MS4A14: variants seen among roughly 807,000 people sequenced by gnomAD.
MS4A14 encodes membrane-spanning 4-domains subfamily A member 14.
MS4A14 carries 18 observed loss-of-function variants against 16.7 expected under a neutral mutation model. The ratio of observed to expected loss-of-function variants is 1.08; its 90% confidence interval spans 0.75 to 1.60. The LOEUF (loss-of-function observed/expected upper bound fraction) is 1.60, where lower values mean the gene tolerates loss of function less well. MS4A14 is among the 40% of genes most tolerant of loss of function. The probability of loss-of-function intolerance (pLI) is 0.00; values close to 1 mark genes in which losing one functional copy is unlikely to be tolerated. For missense variants in MS4A14, 812 were observed against 775.3 expected (o/e 1.05, Z -0.56); for synonymous variants, 305 against 289.4 (o/e 1.05, Z -0.55).
intron 4 of MS4A14, among the ~76,000 whole-genome samples, chr11:60,410,503 T>C (rs543319491): frequency 3.3e-5 from 5 of 152,322 alleles, no homozygotes; most frequent in African/African-American, 9.6e-5. Context: ...TCTTGTCACA[T>C]CCATGAAATT....
intron 4 of MS4A14, among the ~76,000 whole-genome samples, chr11:60,408,372 A>G (rs891093306): frequency 3.3e-5 from 5 of 152,156 alleles, no homozygotes; most frequent in Non-Finnish European, 4.4e-5. Context: ...GAATACATTA[A>G]TAATGTTGTG....
At chr11:60,399,302 G>A (rs188720379) in intron 2 of MS4A14, among the ~76,000 whole-genome samples, 16 of 152,300 alleles carry the variant, frequency 1.1e-4, no homozygotes, top group South Asian at 1.0e-3. Flanking sequence ...TGCTTTCTGC[G>A]TAGCTGCTCA....
At position 60,397,968 on chromosome 11, in the gene MS4A14, G is replaced by A. The variant is rs754619422; in HGVS notation, c.255G>A (p.Trp85Ter). 6.2e-7 allele frequency: 1 copy of A among 1,613,238 alleles called. No individual in the cohort carries two copies. Among genetic ancestry groups the A allele is most frequent in the South Asian group, 1.1e-5 (1 of 91,042 alleles). Residue 85 changes from tryptophan (W) to a stop codon, truncating the protein, a stop_gained, in exon 2 of 5, where the codon TGG becomes TGA. Coordinates refer to ENST00000300187, the MANE Select transcript of MS4A14 (RefSeq NM_032597.5). LOFTEE classifies it high-confidence loss of function. ...PLVVLTGYPFWGALIFILTGY... is the reference protein window; with the variant it reads ...PLVVLTGYPF ...TTGTCCTCACAGGATATCCATTCTG[G>A]GGAGCACTTATTGTGAGTACTGTCG... is the stretch of plus-strand genomic sequence containing the variant.
Position 60,397,996 on chromosome 11 carries a change from T to A in MS4A14, c.267+16T>A. 6.2e-7 allele frequency: 1 copy of A among 1,611,912 alleles called. No individual in the cohort carries two copies. The highest frequency in any genetic ancestry group is 8.5e-7 in the Non-Finnish European group (1 of 1,178,646). On this transcript the variant is annotated intron_variant, in intron 2 of 4. Coordinates refer to ENST00000300187, the MANE Select transcript of MS4A14 (RefSeq NM_032597.5). ...AGCACTTATTGTGAGTACTGTCGAT[T>A]AGAAGCTTTGGAGAAATTGCTATAA...
intron 4 of MS4A14, among the ~76,000 whole-genome samples, chr11:60,411,541 C>A (rs1234501501): frequency 6.6e-6 from 1 of 152,078 alleles, no homozygotes; most frequent in Non-Finnish European, 1.5e-5. Flanking sequence ...AATGAAATTG[C>A]TTTTTAAATG....
chr11:60,399,210 T>G (rs1384080799), intron 2 of MS4A14, among the ~76,000 whole-genome samples: 1 of 152,216 alleles, frequency 6.6e-6, no homozygotes, highest in South Asian at 2.1e-4. Context: ...CCTACACTTG[T>G]GCTAAGTGCT....
At chr11:60,402,204 G>A (rs2085724730) in intron 3 of MS4A14, among the ~76,000 whole-genome samples, 1 of 151,812 alleles carries the variant, frequency 6.6e-6, no homozygotes, top group African/African-American at 2.4e-5. Context: ...TGAATAAAGG[G>A]AATTGGGTGG....
chr11:60,416,138 A>G lies in MS4A14; in HGVS notation c.1170A>G (p.Thr390=), dbSNP rs1372341127. The G allele has an allele frequency of 6.2e-7, 1 of 1,611,186 alleles. No homozygotes were observed. The highest frequency in any genetic ancestry group is 8.5e-7 in the Non-Finnish European group (1 of 1,178,800). The part of the protein sequence containing the change: ...MQSLDMLSQD[T]PSHAMPPQDI... ...CCCTAGATATGCTATCTCAAGACAC[A>G]CCATCCCACGCCATGCCACCTCAAG... Residue 390 remains threonine, a synonymous_variant, in exon 5 of 5, where the codon ACA becomes ACG. Coordinates refer to ENST00000300187, the MANE Select transcript of MS4A14 (RefSeq NM_032597.5).
rs2085925570 is a variant in MS4A14, at chr11:60,415,542, G to A, written c.574G>A (p.Asp192Asn). The change falls in exon 5 of 5, where the codon GAT becomes AAT. Residue 192 changes from aspartate to asparagine, a missense_variant. Transcript: ENST00000300187. ...GCTTCAAGAAGAGTTTTCCAGTGATGATTCAACAACAAATGCACAATCTGT... is the reference window on the plus strand; with the variant it reads ...GCTTCAAGAAGAGTTTTCCAGTGATAATTCAACAACAAATGCACAATCTGT... ...FVLQEEFSSDDSTTNAQSVIF... is the reference protein window; with the variant it reads ...FVLQEEFSSDNSTTNAQSVIF... The A allele has an allele frequency of 6.2e-7, 1 of 1,613,758 alleles. No homozygotes were observed. Among genetic ancestry groups the A allele is most frequent in the East Asian group, 2.2e-5 (1 of 44,862 alleles).
At position 60,416,290 on chromosome 11, in the gene MS4A14, A is replaced by C; in HGVS notation, c.1322A>C (p.Gln441Pro). The C allele has an allele frequency of 1.2e-6, 2 of 1,614,020 alleles. No individual in the cohort carries two copies. Among genetic ancestry groups the C allele is most frequent in the South Asian group, 1.1e-5 (1 of 91,080 alleles). ...QHLLQQPPDLQPENTEPQNQQ... is the reference protein window; with the variant it reads ...QHLLQQPPDLPPENTEPQNQQ... ...CTACTTCAGCAGCCCCCAGATCTTC[A>C]ACCAGAAAACACTGAACCTCAAAAC... Residue 441 changes from glutamine to proline, a missense_variant, in exon 5 of 5, where the codon CAA (glutamine) becomes CCA (proline). By Grantham distance (76) the Gln-to-Pro change is moderately conservative. Coordinates refer to ENST00000300187, the MANE Select transcript of MS4A14 (RefSeq NM_032597.5).
At chr11:60,409,958 C>G (rs2085845181) in intron 4 of MS4A14, among the ~76,000 whole-genome samples, 1 of 152,096 alleles carries the variant, frequency 6.6e-6, no homozygotes, top group Non-Finnish European at 1.5e-5. Context: ...AAATGATTCT[C>G]CTGTTTCAGT....
intron 4 of MS4A14, among the ~76,000 whole-genome samples, chr11:60,410,623 T>C (rs2085854804): frequency 6.6e-6 from 1 of 152,170 alleles, no homozygotes; most frequent in Non-Finnish European, 1.5e-5. Context: ...GTATATGGTA[T>C]AAGGTAAGGG....
chr11:60,404,110 G>T (rs980591374), intron 4 of MS4A14, among the ~76,000 whole-genome samples: 2 of 152,208 alleles, frequency 1.3e-5, no homozygotes, highest in African/African-American at 2.4e-5. Context: ...TGGACAGGAG[G>T]CAACTACTGT....
intron 3 of MS4A14, 69 bp from the exon 4 acceptor site, chr11:60,402,843 A>G: frequency 6.6e-7 from 1 of 1,509,332 alleles, no homozygotes; most frequent in East Asian, 2.3e-5. Flanking sequence ...AGCACTAAAA[A>G]TTTCTTACAA....
chr11:60,400,470 TA>T lies in MS4A14; in HGVS notation c.318+17del. ...AAAACTTCTGGTAAGCCACTTAAAC[TA>T]CATAAAATTTAAAATCTTCTATTTG... On this transcript the variant is annotated intron_variant, in intron 3 of 4. Transcript: ENST00000300187. 2 of 1,559,104 alleles carry T rather than the reference TA, an allele frequency of 1.3e-6. No homozygotes were observed. Among genetic ancestry groups the T allele is most frequent in the Non-Finnish European group, 1.8e-6 (2 of 1,133,540 alleles).
At chr11:60,397,767 C>A in intron 1 of MS4A14, 85 bp from the exon 2 acceptor site, 1 of 1,358,634 alleles carries the variant, frequency 7.4e-7, no homozygotes, top group Non-Finnish European at 1.0e-6. Context: ...AAAGGTGTGC[C>A]ATGGAGGCAC....
intron 3 of MS4A14, among the ~76,000 whole-genome samples, chr11:60,401,518 G>C (rs990097339): frequency 2.0e-5 from 3 of 152,198 alleles, no homozygotes; most frequent in African/African-American, 7.2e-5. Context: ...ATGGAGGCAG[G>C]ATGCTGAACC....
intron 1 of MS4A14, among the ~76,000 whole-genome samples, 167 bp from the exon 2 acceptor site, chr11:60,397,685 C>T (rs1023626541): frequency 6.6e-6 from 1 of 152,086 alleles, no homozygotes; most frequent in African/African-American, 2.4e-5. Context: ...GGGAAGGAAA[C>T]ACATTGAACT....
Position 60,397,902 on chromosome 11 carries a change from T to C in MS4A14, c.189T>C (p.Phe63=). ...TCATTGTGGGCTTTGGAACTATATT[T>C]GCACTTAATTACATCGGTTTCTCCC... is the stretch of plus-strand genomic sequence containing the variant. The part of the protein sequence containing the change: ...ALIIVGFGTI[F]ALNYIGFSQR... Residue 63 remains phenylalanine (F), a synonymous_variant, in exon 2 of 5, where the codon TTT becomes TTC. Coordinates refer to ENST00000300187, the MANE Select transcript of MS4A14 (RefSeq NM_032597.5). 10 of 1,613,398 alleles carry C rather than the reference T, an allele frequency of 6.2e-6. No individual in the cohort carries two copies. Among genetic ancestry groups the C allele is most frequent in the Non-Finnish European group, 8.5e-6 (10 of 1,179,492 alleles).
Sources: allele counts gnomAD v4.1 joint callset (sites outside exome capture counted in the v4.1 genomes callset), GRCh38; gene constraint gnomAD v4.1.1; transcripts MANE v1.5; gene names NCBI Gene and HGNC (gene_info 2026-07-23, HGNC 2026-07-21).